Variants in CCRL2 observed in about 807,000 individuals in gnomAD.
CCRL2 encodes C-C chemokine receptor-like 2.
For synonymous variants in CCRL2, 181 were observed against 165.6 expected, an observed-to-expected ratio of 1.09 and a Z score of -0.71; for missense variants, 451 against 412.4, an observed-to-expected ratio of 1.09 and a Z score of -0.81.
At chr3:46,407,972 G>C (rs924284281) in intron 1 of CCRL2, 96 bp from the exon 2 acceptor site, 7 of 911,326 alleles carry the variant, frequency 7.7e-6, no homozygotes, top group Non-Finnish European at 9.7e-6. Context: ...GCTCCAGAAA[G>C]GGAAAGTGGG....
rs1366214931 is a variant in CCRL2, at chr3:46,407,443, C to T, written c.-72C>T. ...CATCCACTGTCCGGGGCCATTCCCA[C>T]AGCTCCCGGATGCTGGGTCTGGAGG... On this transcript the variant is annotated 5_prime_UTR_variant, in exon 1 of 2. Transcript: ENST00000399036. 1 of 555,940 alleles carries T rather than the reference C, an allele frequency of 1.8e-6. No homozygotes were observed. The highest frequency in any genetic ancestry group is 2.4e-5 in the South Asian group (1 of 41,644). 34.4% of individuals were successfully genotyped at this position (555,940 alleles called of 1,614,324 possible). A position where few individuals can be genotyped will look rare whatever the true frequency, so the allele number is the denominator to read the frequency against.
In CCRL2 at chr3:46,409,191, C is replaced by T. The variant is rs188421197; in HGVS notation, c.*77C>T. The T allele has an allele frequency of 5.9e-4, 771 of 1,316,480 alleles. No homozygotes were observed. The highest frequency in any genetic ancestry group is 7.9e-4 in the Non-Finnish European group (745 of 945,688). The allele number at this position is 1,316,480 out of a possible 1,614,324, so 81.5% of individuals were successfully genotyped here. On this transcript the variant is annotated 3_prime_UTR_variant, in exon 2 of 2. Transcript: ENST00000399036. Reference sequence around the variant, plus strand: ...CATTATTTCATGTAAATTTTCTACACATTTGTATACAAAATCGGATACAGG... The same window carrying T: ...CATTATTTCATGTAAATTTTCTACATATTTGTATACAAAATCGGATACAGG...
chr3:46,408,689 A>G lies in CCRL2; in HGVS notation c.610A>G (p.Met204Val), dbSNP rs1447255747. 1 of 1,614,240 alleles carries G rather than the reference A, an allele frequency of 6.2e-7. No individual in the cohort carries two copies. The highest frequency in any genetic ancestry group is 1.1e-5 in the South Asian group (1 of 91,082). The change falls in exon 2 of 2, where the codon ATG becomes GTG. Residue 204 changes from methionine (M) to valine (V), a missense_variant. Coordinates refer to ENST00000399036, the MANE Select transcript of CCRL2 (RefSeq NM_003965.5). Reference protein sequence around the residue: ...TFWKHFLTLKMNISVLVLPLF... With the variant: ...TFWKHFLTLKVNISVLVLPLF... The stretch of plus-strand genomic sequence containing the variant: ...CTGGAAGCATTTTCTGACTTTAAAA[A>G]TGAACATTTCGGTTCTTGTCCTCCC...
intron 1 of CCRL2, 95 bp from the exon 2 acceptor site, chr3:46,407,973 G>A (rs1160550486): frequency 1.1e-6 from 1 of 923,710 alleles, no homozygotes; most frequent in Admixed American, 2.8e-5. Context: ...CTCCAGAAAG[G>A]GAAAGTGGGG....
chr3:46,408,412 C>A lies in CCRL2; in HGVS notation c.333C>A (p.Phe111Leu). The A allele has an allele frequency of 6.2e-7, 1 of 1,614,094 alleles. No homozygotes were observed. Among genetic ancestry groups the A allele is most frequent in the Non-Finnish European group, 8.5e-7 (1 of 1,179,916 alleles). ...GTAAAATTCTCATTGGACTGTACTTCGTGGGCCTGTACAGTGAGACATTTT... is the reference window on the plus strand; with the variant it reads ...GTAAAATTCTCATTGGACTGTACTTAGTGGGCCTGTACAGTGAGACATTTT... Reference protein sequence around the residue: ...PMCKILIGLYFVGLYSETFFN... With the variant: ...PMCKILIGLYLVGLYSETFFN... The change falls in exon 2 of 2, where the codon TTC becomes TTA. Residue 111 changes from phenylalanine (F) to leucine (L), a missense_variant. Coordinates refer to ENST00000399036, the MANE Select transcript of CCRL2 (RefSeq NM_003965.5).
Position 46,408,531 on chromosome 3 carries a change from C to A in CCRL2, c.452C>A (p.Thr151Lys). The A allele has an allele frequency of 6.2e-7, 1 of 1,614,196 alleles. No individual in the cohort carries two copies. The highest frequency in any genetic ancestry group is 2.2e-5 in the East Asian group (1 of 44,882). ...AGGAGGGTGCCCTGTGGCATCATTACAAGTGTCCTGGCATGGGTAACAGCC... is the reference window on the plus strand; with the variant it reads ...AGGAGGGTGCCCTGTGGCATCATTAAAAGTGTCCTGGCATGGGTAACAGCC... ...ARRRVPCGII[T>K]SVLAWVTAIL... The change falls in exon 2 of 2, where the codon ACA becomes AAA. Residue 151 changes from threonine (T) to lysine (K), a missense_variant. Physicochemically the swap from Thr to Lys is moderately conservative, Grantham distance 78. Coordinates refer to ENST00000399036, the MANE Select transcript of CCRL2 (RefSeq NM_003965.5).
At position 46,408,994 on chromosome 3, in the gene CCRL2, G is replaced by A. The variant is rs769417044; in HGVS notation, c.915G>A (p.Gly305=). 1 of 1,614,162 alleles carries A rather than the reference G, an allele frequency of 6.2e-7. No individual in the cohort carries two copies. ...INPLLYAFLD[G]TFSKYLCRCF... ...CTCTCCTGTATGCGTTTCTTGATGGGACATTTAGCAAATACCTCTGCCGCT... is the reference window on the plus strand; with the variant it reads ...CTCTCCTGTATGCGTTTCTTGATGGAACATTTAGCAAATACCTCTGCCGCT... The change falls in exon 2 of 2, where the codon GGG becomes GGA. Residue 305 remains glycine, a synonymous_variant. Coordinates refer to ENST00000399036, the MANE Select transcript of CCRL2 (RefSeq NM_003965.5).
intron 1 of CCRL2, 90 bp from the exon 2 acceptor site, chr3:46,407,978 G>A: frequency 1.0e-6 from 1 of 956,486 alleles, no homozygotes; most frequent in Non-Finnish European, 1.5e-6. Flanking sequence ...GAAAGGGAAA[G>A]TGGGGCTGTA....
At chr3:46,407,938 GGGAATTACTCT>G in intron 1 of CCRL2, 119 bp from the exon 2 acceptor site, 1 of 731,240 alleles carries the variant, frequency 1.4e-6, no homozygotes, top group South Asian at 1.9e-5. Flanking sequence ...TTCTGAAATA[GGGAATTACTCT>G]GGCTAAAATG....
chr3:46,408,134 G>A lies in CCRL2; in HGVS notation c.55G>A (p.Glu19Lys), dbSNP rs1242167588. ...EDEYDVLIEG[E>K]LESDEAEQCD... ...TGAATATGATGTCCTCATAGAAGGT[G>A]AACTGGAGAGCGATGAGGCAGAGCA... is the stretch of plus-strand genomic sequence containing the variant. The change falls in exon 2 of 2, where the codon GAA (glutamate) becomes AAA (lysine). Residue 19 changes from glutamate (E) to lysine (K), a missense_variant. Coordinates refer to ENST00000399036, the MANE Select transcript of CCRL2 (RefSeq NM_003965.5). The A allele has an allele frequency of 6.2e-7, 1 of 1,605,962 alleles. No individual in the cohort carries two copies.
chr3:46,409,192 A>ATTTGTATCCGAT lies in CCRL2; in HGVS notation c.*85_*86insCCGATTTTGTAT. The ATTTGTATCCGAT allele has an allele frequency of 7.6e-7, 1 of 1,322,472 alleles. No homozygotes were observed. Among genetic ancestry groups the ATTTGTATCCGAT allele is most frequent in the Non-Finnish European group, 1.1e-6 (1 of 951,110 alleles). The allele number at this position is 1,322,472 out of a possible 1,614,324, so 81.9% of individuals were successfully genotyped here. ...ATTATTTCATGTAAATTTTCTACAC[A>ATTTGTATCCGAT]TTTGTATACAAAATCGGATACAGGA... On this transcript the variant is annotated 3_prime_UTR_variant, in exon 2 of 2. Coordinates refer to ENST00000399036, the MANE Select transcript of CCRL2 (RefSeq NM_003965.5).
rs540361762 is a variant in CCRL2 at position 46,407,341 on chromosome 3, C to T, written c.-174C>T. On this transcript the variant is annotated 5_prime_UTR_variant, in exon 1 of 2. Transcript: ENST00000399036. ...TGGTCCCTGAGCTCGGTGAGTGGGG[C>T]GGGTAGAGCCACCAGGGGAATCAAC... The T allele has an allele frequency of 3.4e-5, 11 of 322,558 alleles. No homozygotes were observed. Among genetic ancestry groups the T allele is most frequent in the East Asian group, 3.2e-4 (5 of 15,868 alleles). 20.0% of individuals were successfully genotyped at this position (322,558 alleles called of 1,614,324 possible). A position where few individuals can be genotyped will look rare whatever the true frequency, so the allele number is the denominator to read the frequency against.
intron 1 of CCRL2, chr3:46,407,738 C>T (rs1010393860): frequency 1.4e-6 from 2 of 1,447,646 alleles, no homozygotes; most frequent in Admixed American, 4.5e-5. Context: ...TATTTTCTTA[C>T]ATATTGTGTT....
intron 1 of CCRL2, chr3:46,407,817 T>C (rs564142774): frequency 1.2e-6 from 1 of 840,718 alleles, no homozygotes. Flanking sequence ...GCCAGCTTTA[T>C]TTCCCGTGGC....
rs1292851646 is a variant in CCRL2, at chr3:46,408,431, A to G, written c.352A>G (p.Thr118Ala). ...GLYFVGLYSE[T>A]FFNCLLTVQR... is the part of the protein sequence containing the mutation. ...GTACTTCGTGGGCCTGTACAGTGAG[A>G]CATTTTTCAATTGCCTTCTGACTGT... The change falls in exon 2 of 2, where the codon ACA (threonine) becomes GCA (alanine). Residue 118 changes from threonine (T) to alanine (A), a missense_variant. Thr to Ala is a moderately conservative substitution (Grantham distance 58). Coordinates refer to ENST00000399036, the MANE Select transcript of CCRL2 (RefSeq NM_003965.5). The G allele has an allele frequency of 3.5e-5, 56 of 1,614,070 alleles. No individual in the cohort carries two copies. The highest frequency in any genetic ancestry group is 4.1e-5 in the Non-Finnish European group (48 of 1,180,042).
At position 46,408,293 on chromosome 3, in the gene CCRL2, G is replaced by A. The variant is rs374019945; in HGVS notation, c.214G>A (p.Val72Met). 5.5e-5 allele frequency: 89 copies of A among 1,614,068 alleles called. No individual in the cohort carries two copies. Among genetic ancestry groups the A allele is most frequent in the South Asian group, 1.6e-4 (15 of 91,084 alleles). Residue 72 changes from valine (V) to methionine (M), a missense_variant, in exon 2 of 2, where the codon GTG (valine) becomes ATG (methionine). Transcript: ENST00000399036. Reference sequence around the variant, plus strand: ...GGTAAAATATAAAGGACTCAAACGCGTGGAAAATATCTATCTTCTAAACTT... The same window carrying A: ...GGTAAAATATAAAGGACTCAAACGCATGGAAAATATCTATCTTCTAAACTT... ...ILVKYKGLKR[V>M]ENIYLLNLAV...
intron 1 of CCRL2, chr3:46,407,821 C>T: frequency 1.2e-6 from 1 of 810,810 alleles, no homozygotes; most frequent in Non-Finnish European, 2.0e-6. Context: ...GCTTTATTTC[C>T]CGTGGCACCT....
In CCRL2 at chr3:46,408,293, G is replaced by C. The variant is rs374019945; in HGVS notation, c.214G>C (p.Val72Leu). ...ILVKYKGLKR[V>L]ENIYLLNLAV... The stretch of plus-strand genomic sequence containing the variant: ...GGTAAAATATAAAGGACTCAAACGC[G>C]TGGAAAATATCTATCTTCTAAACTT... Residue 72 changes from valine (V) to leucine (L), a missense_variant, in exon 2 of 2, where the codon GTG becomes CTG. Transcript: ENST00000399036. The C allele has an allele frequency of 6.2e-7, 1 of 1,614,068 alleles. No individual in the cohort carries two copies. The highest frequency in any genetic ancestry group is 1.3e-5 in the African/African-American group (1 of 74,942).
At position 46,408,160 on chromosome 3, in the gene CCRL2, A is replaced by G. The variant is rs1276798368; in HGVS notation, c.81A>G (p.Gln27=). The G allele has an allele frequency of 6.2e-7, 1 of 1,611,600 alleles. No individual in the cohort carries two copies. Among genetic ancestry groups the G allele is most frequent in the South Asian group, 1.1e-5 (1 of 90,644 alleles). The change falls in exon 2 of 2, where the codon CAA becomes CAG. Residue 27 remains glutamine (Q), a synonymous_variant. Coordinates refer to ENST00000399036, the MANE Select transcript of CCRL2 (RefSeq NM_003965.5). The part of the protein sequence containing the change: ...EGELESDEAE[Q]CDKYDAQALS... ...AACTGGAGAGCGATGAGGCAGAGCA[A>G]TGTGACAAGTATGACGCCCAGGCAC...
Sources: allele counts gnomAD v4.1 joint callset, GRCh38; gene constraint gnomAD v4.1.1; transcripts MANE v1.5; gene names NCBI Gene and HGNC (gene_info 2026-07-23, HGNC 2026-07-21).